Variants in CACHD1 observed in about 807,000 individuals in gnomAD.
CACHD1 encodes cache domain containing 1.
A neutral mutation model predicts 138.7 loss-of-function variants in CACHD1; 71 were observed. That is an observed-to-expected ratio of 0.51 (90% CI 0.42 to 0.62). The LOEUF (loss-of-function observed/expected upper bound fraction) is 0.62. CACHD1 is among the 20% of genes least tolerant of loss of function. CACHD1 has a pLI of 0.00. For synonymous variants in CACHD1, 578 were observed against 591.5 expected, an observed-to-expected ratio of 0.98 and a Z score of 0.33; for missense variants, 1,389 against 1,625.3, an observed-to-expected ratio of 0.85 and a Z score of 2.50.
At position 64,671,653 on chromosome 1, in the gene CACHD1, C is replaced by T. The variant is rs750982354; in HGVS notation, c.2477C>T (p.Pro826Leu). The change falls in exon 17 of 27, where the codon CCT becomes CTT. Residue 826 changes from proline (P) to leucine (L), a missense_variant. Around this residue, in one of 5 missense-constraint regions of CACHD1, gnomAD observed 1,000 missense variants for 1,114.7 expected, o/e 0.90. Coordinates refer to ENST00000651257, the MANE Select transcript of CACHD1 (RefSeq NM_020925.4). Reference protein sequence around the residue: ...YFYKVLMDLLPVCNQDGGNKI... With the variant: ...YFYKVLMDLLLVCNQDGGNKI... ...TACAAAGTTCTGATGGACCTATTACCTGTCTGTAACCAAGATGGTGGCAAC... is the reference window on the plus strand; with the variant it reads ...TACAAAGTTCTGATGGACCTATTACTTGTCTGTAACCAAGATGGTGGCAAC... 7.4e-6 allele frequency: 12 copies of T among 1,614,006 alleles called. No homozygotes were observed. The highest frequency in any genetic ancestry group is 1.0e-5 in the Non-Finnish European group (12 of 1,179,944).
rs373058404 is a variant in CACHD1, at chr1:64,616,113, C to G, written c.517+13201C>G. ...CATCACTGTATTCTGCCTACTGACACTTGAAACTCTTTGTATCTAAAACCA... is the reference window on the plus strand; with the variant it reads ...CATCACTGTATTCTGCCTACTGACAGTTGAAACTCTTTGTATCTAAAACCA... On this transcript the variant is annotated intron_variant, in intron 4 of 26. Coordinates refer to ENST00000651257, the MANE Select transcript of CACHD1 (RefSeq NM_020925.4). Among the ~76,000 whole-genome samples, 13 of 152,264 alleles carry G rather than the reference C, an allele frequency of 8.5e-5. 1 individual carries two copies. Among genetic ancestry groups the G allele is most frequent in the Admixed American group, 4.6e-4 (7 of 15,288 alleles).
Position 64,634,218 on chromosome 1 carries a change from C to T in CACHD1, c.964C>T (p.Gln322Ter). 4 of 1,613,932 alleles carry T rather than the reference C, an allele frequency of 2.5e-6. No individual in the cohort carries two copies. Among genetic ancestry groups the T allele is most frequent in the Non-Finnish European group, 3.4e-6 (4 of 1,179,982 alleles). ...QHAVGFQKAFQLIRSTNNNTK... is the reference protein window; with the variant it reads ...QHAVGFQKAF ...CGCAGTGGGATTCCAAAAGGCATTTCAGCTGATTCGAAGTACAAACAATAA... is the reference window on the plus strand; with the variant it reads ...CGCAGTGGGATTCCAAAAGGCATTTTAGCTGATTCGAAGTACAAACAATAA... Residue 322 changes from glutamine to a stop codon, truncating the protein, a stop_gained, in exon 7 of 27, where the codon CAG (glutamine) becomes TAG (stop). Coordinates refer to ENST00000651257, the MANE Select transcript of CACHD1 (RefSeq NM_020925.4). LOFTEE classifies it high-confidence loss of function.
At chr1:64,638,510 C>A (rs1183535310) in intron 7 of CACHD1, among the ~76,000 whole-genome samples, 1 of 152,130 alleles carries the variant, frequency 6.6e-6, no homozygotes, top group Non-Finnish European at 1.5e-5. Flanking sequence ...TATGGTAGAT[C>A]TTTAACTGAC....
intron 7 of CACHD1, among the ~76,000 whole-genome samples, chr1:64,641,520 G>A (rs1648712854): frequency 1.3e-5 from 2 of 152,088 alleles, no homozygotes. Context: ...CATTTGGATT[G>A]GCTTAAATTA....
chr1:64,608,195 T>C (rs1337464624), intron 4 of CACHD1, among the ~76,000 whole-genome samples: 2 of 152,346 alleles, frequency 1.3e-5, no homozygotes, highest in African/African-American at 4.8e-5. Flanking sequence ...ATTTAAGAAC[T>C]GACTTGCTTG....
At chr1:64,582,437 C>T (rs1647020651) in intron 3 of CACHD1, 133 bp downstream of exon 3, 1 of 768,990 alleles carries the variant, frequency 1.3e-6, no homozygotes, top group African/African-American at 1.8e-5. Flanking sequence ...TAAGATAAGC[C>T]CTTTATCTTT....
At chr1:64,580,397 T>G (rs1380508333) in intron 2 of CACHD1, among the ~76,000 whole-genome samples, 1 of 152,158 alleles carries the variant, frequency 6.6e-6, no homozygotes, top group Non-Finnish European at 1.5e-5. Flanking sequence ...CCTAGTAACG[T>G]GCAATTTATC....
At chr1:64,605,214 C>T (rs1248069624) in intron 4 of CACHD1, among the ~76,000 whole-genome samples, 2 of 152,204 alleles carry the variant, frequency 1.3e-5, no homozygotes, top group Admixed American at 1.3e-4. Flanking sequence ...GTCCACCTGC[C>T]TCGGCCTCCT....
chr1:64,663,440 A>G (rs1004788906), intron 13 of CACHD1, among the ~76,000 whole-genome samples: 2 of 151,800 alleles, frequency 1.3e-5, no homozygotes, highest in African/African-American at 2.4e-5. Flanking sequence ...AGTCCCAGCT[A>G]CTGGGGAGGC....
Position 64,677,017 on chromosome 1 carries a change from C to A in CACHD1, c.3092+6C>A, listed in dbSNP as rs1301878738. 1.9e-6 allele frequency: 3 copies of A among 1,597,100 alleles called. No individual in the cohort carries two copies. The African/African-American group carries it at 4.0e-5, about 21-fold the overall frequency. Reference sequence around the variant, plus strand: ...AGTCAGAGGCTGGAAAGTGGGTAAGCAGAATCTAGTAAAGAATTGAGGTTT... The same window carrying A: ...AGTCAGAGGCTGGAAAGTGGGTAAGAAGAATCTAGTAAAGAATTGAGGTTT... On this transcript the variant is annotated splice_donor_region_variant and intron_variant, in intron 22 of 26. Transcript: ENST00000651257.
intron 2 of CACHD1, among the ~76,000 whole-genome samples, chr1:64,579,306 G>A (rs1276775657): frequency 6.6e-6 from 1 of 152,188 alleles, no homozygotes; most frequent in Non-Finnish European, 1.5e-5. Context: ...AATATCTTGA[G>A]TTTAGCTAGA....
Position 64,677,734 on chromosome 1 carries a change from A to T in CACHD1, c.3093-425A>T, listed in dbSNP as rs115492364. Among the ~76,000 whole-genome samples, 661 of 152,318 alleles carry T rather than the reference A, an allele frequency of 4.3e-3. 4 individuals carry two copies. Among genetic ancestry groups the T allele is most frequent in the Middle Eastern group, 0.017 (5 of 294 alleles). On this transcript the variant is annotated intron_variant, in intron 22 of 26. Coordinates refer to ENST00000651257, the MANE Select transcript of CACHD1 (RefSeq NM_020925.4). ...TGTAATACACTAAAGGCTCTGAGAA[A>T]TTGGCAGTGAGGAAACCTGTGGTGA...
chr1:64,686,521 T>A (rs1353589050), intron 26 of CACHD1, among the ~76,000 whole-genome samples: 4 of 152,222 alleles, frequency 2.6e-5, no homozygotes, highest in African/African-American at 7.2e-5. Context: ...CCACTTAGAA[T>A]GATTGATTTT....
At chr1:64,589,822 A>G (rs1441765038) in intron 3 of CACHD1, among the ~76,000 whole-genome samples, 1 of 152,220 alleles carries the variant, frequency 6.6e-6, no homozygotes, top group African/African-American at 2.4e-5. Flanking sequence ...TCTGGGTAAC[A>G]TAGCCCAGCC....
chr1:64,659,300 G>A (rs1400969435), intron 13 of CACHD1, among the ~76,000 whole-genome samples: 4 of 152,070 alleles, frequency 2.6e-5, no homozygotes, highest in Non-Finnish European at 5.9e-5. Flanking sequence ...TCTAGTGCTA[G>A]GTACAGAGTT....
intron 1 of CACHD1, among the ~76,000 whole-genome samples, chr1:64,533,976 A>T (rs1646610758): frequency 1.3e-5 from 2 of 150,068 alleles, no homozygotes; most frequent in Admixed American, 6.7e-5. Flanking sequence ...GATGGTCTCA[A>T]CCTCCTGACC....
intron 1 of CACHD1, among the ~76,000 whole-genome samples, chr1:64,544,116 G>A (rs1437475415): frequency 6.6e-6 from 1 of 151,952 alleles, no homozygotes; most frequent in Non-Finnish European, 1.5e-5. Flanking sequence ...GGAATCATAG[G>A]AACAGATCCA....
chr1:64,553,266 C>T (rs952098290), intron 2 of CACHD1, among the ~76,000 whole-genome samples: 20 of 152,274 alleles, frequency 1.3e-4, no homozygotes, highest in Admixed American at 5.2e-4. Flanking sequence ...GAATTGAACA[C>T]GGGATTTCTC....
chr1:64,647,229 T>C (rs946916249), intron 8 of CACHD1, among the ~76,000 whole-genome samples: 2 of 152,316 alleles, frequency 1.3e-5, no homozygotes, highest in South Asian at 2.1e-4. Flanking sequence ...CCTAACAATA[T>C]CAAGCATGAA....
Sources: allele counts gnomAD v4.1 joint callset (sites outside exome capture counted in the v4.1 genomes callset), GRCh38; gene constraint gnomAD v4.1.1; regional missense constraint gnomAD v4.1.1; transcripts MANE v1.5; gene names NCBI Gene and HGNC (gene_info 2026-07-23, HGNC 2026-07-21).